Variants in EFCAB13 observed in about 807,000 individuals in gnomAD.
The protein encoded by EFCAB13 is EF-hand calcium binding domain 13.
Under a neutral mutation model 110.2 loss-of-function variants are expected in EFCAB13, and 91 were observed. That is an observed-to-expected ratio of 0.83 (90% CI 0.70 to 0.98). The LOEUF (loss-of-function observed/expected upper bound fraction) is 0.98, where lower values mean the gene tolerates loss of function less well. Ranked by LOEUF, EFCAB13 falls within the 50% of genes least tolerant of loss-of-function variation. The pLI, the probability that EFCAB13 is intolerant of heterozygous loss-of-function variation, is 0.00. For synonymous variants in EFCAB13, 323 were observed against 369.9 expected, an observed-to-expected ratio of 0.87 and a Z score of 1.45; for missense variants, 968 against 1,119.4, an observed-to-expected ratio of 0.86 and a Z score of 1.93.
intron 2 of EFCAB13, among the ~76,000 whole-genome samples, chr17:47,325,923 A>AATATATATATGATAT (rs1555575761): frequency 2.9e-5 from 3 of 102,564 alleles, no homozygotes; most frequent in East Asian, 7.1e-4. Flanking sequence ...ATATAAACAA[A>AATATATATATGATAT]ATATATATAT....
chr17:47,361,520 CAGTG>C lies in EFCAB13; in HGVS notation c.805+3_805+6del, dbSNP rs10538163. 832,324 of 1,590,426 alleles carry C rather than the reference CAGTG, an allele frequency of 0.52. 223,139 individuals are homozygous for C. Among genetic ancestry groups the C allele is most frequent in the African/African-American group, 0.55 (40,567 of 74,194 alleles). ...AAGTGACAAAACATACCTATATTGA[CAGTG>C]AGTTATTTGCATTGAGATATATATG... On this transcript the variant is annotated splice_donor_variant and splice_donor_region_variant and coding_sequence_variant and intron_variant, in exon 10 of 25. Coordinates refer to ENST00000331493, the MANE Select transcript of EFCAB13 (RefSeq NM_152347.5). LOFTEE classifies it high-confidence loss of function.
chr17:47,349,333 C>T (rs1305313057), intron 9 of EFCAB13, among the ~76,000 whole-genome samples: 1 of 152,070 alleles, frequency 6.6e-6, no homozygotes. Flanking sequence ...AAGTTGGGCT[C>T]GTTTATTTAA....
intron 20 of EFCAB13, among the ~76,000 whole-genome samples, chr17:47,406,458 C>G (rs1237132254): frequency 6.6e-6 from 1 of 152,112 alleles, no homozygotes; most frequent in Non-Finnish European, 1.5e-5. Context: ...TTTTTTATAT[C>G]TAGTTGTATT....
In EFCAB13 at chr17:47,404,547, C is replaced by T. The variant is rs1555585601; in HGVS notation, c.2162-15C>T. 6.2e-7 allele frequency: 1 copy of T among 1,608,072 alleles called. No individual in the cohort carries two copies. The highest frequency in any genetic ancestry group is 8.5e-7 in the Non-Finnish European group (1 of 1,176,566). ...CTAGGGGTTCTTGTTTGTCATCTCT[C>T]TCTTTTCCTTGCAGAAGATAACATG... On this transcript the variant is annotated splice_polypyrimidine_tract_variant and intron_variant, in intron 19 of 24. Coordinates refer to ENST00000331493, the MANE Select transcript of EFCAB13 (RefSeq NM_152347.5).
Position 47,374,635 on chromosome 17 carries a change from C to G in EFCAB13, c.1041C>G (p.Ser347Arg), listed in dbSNP as rs1460703672. 1 of 1,605,410 alleles carries G rather than the reference C, an allele frequency of 6.2e-7. No homozygotes were observed. The highest frequency in any genetic ancestry group is 1.7e-5 in the Admixed American group (1 of 58,120). Residue 347 changes from serine to arginine, a missense_variant, in exon 12 of 25, where the codon AGC (serine) becomes AGG (arginine). By Grantham distance (110) the Ser-to-Arg change is moderately radical (BLOSUM62 -1). Transcript: ENST00000331493. The stretch of plus-strand genomic sequence containing the variant: ...ATAAAAAAAGCAACCAATATTATAG[C>G]AAAATTATGGAGAATGATGACCTTG... The part of the protein sequence containing the change: ...KLNKKSNQYY[S>R]KIMENDDLES...
intron 9 of EFCAB13, among the ~76,000 whole-genome samples, chr17:47,358,264 C>T (rs1032560875): frequency 1.3e-5 from 2 of 151,906 alleles, no homozygotes; most frequent in African/African-American, 4.8e-5. Context: ...ACCTAGGTCT[C>T]ATAGAAACTA....
chr17:47,396,066 G>C, intron 17 of EFCAB13, 89 bp downstream of exon 17: 1 of 1,154,788 alleles, frequency 8.7e-7, no homozygotes, highest in South Asian at 2.2e-5. Flanking sequence ...TGTACTTGGC[G>C]AGACGGAGTG....
intron 10 of EFCAB13, among the ~76,000 whole-genome samples, chr17:47,362,245 T>G (rs1331660534): frequency 1.3e-5 from 2 of 152,090 alleles, no homozygotes; most frequent in Non-Finnish European, 2.9e-5. Context: ...ATTATAATAA[T>G]CCTCGCTCTA....
chr17:47,362,797 AG>A (rs1249695037), intron 10 of EFCAB13, among the ~76,000 whole-genome samples: 6 of 152,166 alleles, frequency 3.9e-5, no homozygotes, highest in African/African-American at 1.4e-4. Flanking sequence ...CAGGCAGGGA[AG>A]GGCCCCCTGT....
rs745620633 is a variant in EFCAB13 at position 47,362,601 on chromosome 17, G to A, written c.805+1080G>A. Among the ~76,000 whole-genome samples the A allele has an allele frequency of 1.3e-4, 20 of 152,192 alleles. 1 individual carries two copies. The highest frequency in any genetic ancestry group is 1.9e-4 in the Non-Finnish European group (13 of 68,032). On this transcript the variant is annotated intron_variant, in intron 10 of 24. Transcript: ENST00000331493. ...ATGTCAGGCCTGCCCGCAGTTATCC[G>A]GAGGCCTAACCGTCTCCCTGTGGTG...
intron 20 of EFCAB13, among the ~76,000 whole-genome samples, chr17:47,405,009 C>T (rs1479729257): frequency 6.6e-6 from 1 of 152,076 alleles, no homozygotes; most frequent in African/African-American, 2.4e-5. Context: ...AGAAATATCC[C>T]TATGAAGCTT....
At position 47,361,425 on chromosome 17, in the gene EFCAB13, G is replaced by T. The variant is rs756132770; in HGVS notation, c.709G>T (p.Val237Phe). 1 of 1,613,922 alleles carries T rather than the reference G, an allele frequency of 6.2e-7. No homozygotes were observed. Among genetic ancestry groups the T allele is most frequent in the South Asian group, 1.1e-5 (1 of 91,086 alleles). Residue 237 changes from valine (V) to phenylalanine (F), a missense_variant, in exon 10 of 25, where the codon GTT becomes TTT. Transcript: ENST00000331493. The stretch of plus-strand genomic sequence containing the variant: ...TTTCTGTAGGATAAAAGGTGGTCGA[G>T]TTTCAACTGATGACGTGTTTGCTGT... ...KIFCRIKGGR[V>F]STDDVFAVLD...
chr17:47,333,015 ACATT>A (rs1895065310), intron 4 of EFCAB13, among the ~76,000 whole-genome samples: 1 of 152,184 alleles, frequency 6.6e-6, no homozygotes, highest in African/African-American at 2.4e-5. Flanking sequence ...GGCTGTACTA[ACATT>A]CATACCAACA....
At chr17:47,353,782 G>A (rs1273965803) in intron 9 of EFCAB13, among the ~76,000 whole-genome samples, 1 of 151,962 alleles carries the variant, frequency 6.6e-6, no homozygotes, top group African/African-American at 2.4e-5. Context: ...TTTCTTTTTG[G>A]CATTTTGATA....
rs142944677 is a variant in EFCAB13, at chr17:47,393,717, A to AAAATAAATAAAT, written c.1727-280_1727-269dup. Reference sequence around the variant, plus strand: ...GGTGACAGAGTGAGACTCTTTCTCAAAAATAAATAAATAAATAAATAAATA... The same window carrying AAAATAAATAAAT: ...GGTGACAGAGTGAGACTCTTTCTCAAAAATAAATAAATAAATAAATAAATAAATAAATAAATA... On this transcript the variant is annotated intron_variant, in intron 15 of 24. Coordinates refer to ENST00000331493, the MANE Select transcript of EFCAB13 (RefSeq NM_152347.5). Among the ~76,000 whole-genome samples the AAAATAAATAAAT allele has an allele frequency of 4.4e-3, 631 of 142,262 alleles. 6 individuals are homozygous for AAAATAAATAAAT. Among genetic ancestry groups the AAAATAAATAAAT allele is most frequent in the African/African-American group, 6.6e-3 (252 of 38,138 alleles). 93.3% of individuals were successfully genotyped at this position (142,262 alleles called of 152,430 possible). A position where few individuals can be genotyped will look rare whatever the true frequency, so the allele number is the denominator to read the frequency against.
intron 24 of EFCAB13, 22 bp downstream of exon 24, chr17:47,429,983 A>G (rs759121249): frequency 5.7e-6 from 9 of 1,573,494 alleles, no homozygotes; most frequent in South Asian, 2.3e-5. Context: ...CAATGCGTCT[A>G]TCTTATAAGG....
At chr17:47,371,407 A>G (rs113723269) in intron 11 of EFCAB13, among the ~76,000 whole-genome samples, 20 of 151,868 alleles carry the variant, frequency 1.3e-4, no homozygotes, top group Non-Finnish European at 2.6e-4. Context: ...TTTGTATATG[A>G]TGAGAGATAG....
chr17:47,426,019 T>G (rs1904943162), intron 23 of EFCAB13, among the ~76,000 whole-genome samples: 1 of 152,138 alleles, frequency 6.6e-6, no homozygotes, highest in Non-Finnish European at 1.5e-5. Context: ...TTTAGTAGAT[T>G]AAGAGATGAC....
intron 10 of EFCAB13, among the ~76,000 whole-genome samples, chr17:47,365,957 G>T (rs1289585824): frequency 6.6e-6 from 1 of 152,082 alleles, no homozygotes; most frequent in Non-Finnish European, 1.5e-5. Context: ...TTAACCCCAG[G>T]ATGCCAAAAA....
Sources: allele counts gnomAD v4.1 joint callset (sites outside exome capture counted in the v4.1 genomes callset), GRCh38; gene constraint gnomAD v4.1.1; transcripts MANE v1.5; gene names NCBI Gene and HGNC (gene_info 2026-07-23, HGNC 2026-07-21).